Variants in VAMP4 observed in about 807,000 individuals in gnomAD.
The protein encoded by VAMP4 is vesicle-associated membrane protein 4.
VAMP4 carries 19 observed loss-of-function variants against 23.5 expected under a neutral mutation model. That is an observed-to-expected ratio of 0.81 (90% CI 0.56 to 1.19). The LOEUF is 1.19. VAMP4 is among the 50% of genes most tolerant of loss of function. The pLI is 0.00. For synonymous variants in VAMP4, 31 were observed against 51.0 expected (o/e 0.61, Z 1.67); for missense variants, 145 against 168.6 (o/e 0.86, Z 0.78).
intron 1 of VAMP4, among the ~76,000 whole-genome samples, chr1:171,739,011 G>A (rs992108079): frequency 2.0e-5 from 3 of 152,170 alleles, no homozygotes; most frequent in South Asian, 2.1e-4. Context: ...GTGTGATATC[G>A]TGATTTACAA....
chr1:171,721,240 T>A (rs1295704444), intron 3 of VAMP4, among the ~76,000 whole-genome samples: 1 of 151,982 alleles, frequency 6.6e-6, no homozygotes, highest in Admixed American at 6.6e-5. Context: ...CTAAAGGAGA[T>A]CAGGAACAAA....
intron 4 of VAMP4, among the ~76,000 whole-genome samples, chr1:171,716,757 C>T (rs74861475): frequency 5.9e-5 from 9 of 152,174 alleles, no homozygotes; most frequent in South Asian, 2.1e-4. Flanking sequence ...ACTAAAATAA[C>T]GCCAGGGATT....
rs372947937 is a variant in VAMP4 at position 171,738,843 on chromosome 1, T to C, written c.-49-380A>G. 3.9e-5 allele frequency among the ~76,000 whole-genome samples: 6 copies of C among 152,332 alleles called. No homozygotes were observed. In the South Asian group the frequency reaches 6.2e-4, roughly 16 times the overall value. ...CCTATTTCTCTCACTTTTAGTTGGT[T>C]GCTTAAGCAATGATTCAGTTTCCTC... On this transcript the variant is annotated intron_variant, in intron 1 of 7. Transcript: ENST00000236192.
chr1:171,722,457 A>G (rs1003173065), intron 3 of VAMP4, among the ~76,000 whole-genome samples: 2 of 152,220 alleles, frequency 1.3e-5, no homozygotes, highest in African/African-American at 4.8e-5. Flanking sequence ...CTACCATCAG[A>G]GTGAACAGGC....
rs1654565609 is a variant in VAMP4 at position 171,704,004 on chromosome 1, C to T, written c.*502G>A. 1 of 152,364 alleles carries T rather than the reference C, an allele frequency of 6.6e-6. No individual in the cohort carries two copies. Among genetic ancestry groups the T allele is most frequent in the Non-Finnish European group, 1.5e-5 (1 of 67,890 alleles). 9.4% of individuals were successfully genotyped at this position (152,364 alleles called of 1,614,324 possible). A position where few individuals can be genotyped will look rare whatever the true frequency, so the allele number is the denominator to read the frequency against. On this transcript the variant is annotated 3_prime_UTR_variant, in exon 8 of 8. Coordinates refer to ENST00000236192, the MANE Select transcript of VAMP4 (RefSeq NM_003762.5). ...TTACAACATTTAGCTTTTGTTACAC[C>T]TATAAATGTGGAAATTGCTTGCAAA...
Position 171,704,462 on chromosome 1 carries a change from A to G in VAMP4, c.*44T>C. ...CATTTAAATTATGCAGCAATCTTTT[A>G]TTACTGTCCCAGATCTTGTTTAATG... On this transcript the variant is annotated 3_prime_UTR_variant, in exon 8 of 8. Coordinates refer to ENST00000236192, the MANE Select transcript of VAMP4 (RefSeq NM_003762.5). 6.6e-7 allele frequency: 1 copy of G among 1,514,824 alleles called. No homozygotes were observed. Among genetic ancestry groups the G allele is most frequent in the Non-Finnish European group, 8.9e-7 (1 of 1,121,752 alleles). The allele number at this position is 1,514,824 out of a possible 1,614,324, so 93.8% of individuals were successfully genotyped here.
At chr1:171,725,062 C>T (rs1204427401) in intron 3 of VAMP4, among the ~76,000 whole-genome samples, 1 of 152,164 alleles carries the variant, frequency 6.6e-6, no homozygotes, top group African/African-American at 2.4e-5. Flanking sequence ...AAAACTGAAA[C>T]TCTGTCCCCT....
intron 4 of VAMP4, 151 bp downstream of exon 4, chr1:171,719,019 AT>A: frequency 1.7e-6 from 1 of 590,158 alleles, no homozygotes. Flanking sequence ...GTACCTATCG[AT>A]AATATGAAAA....
chr1:171,707,737 A>T (rs558974573), intron 6 of VAMP4, among the ~76,000 whole-genome samples: 1 of 152,284 alleles, frequency 6.6e-6, no homozygotes, highest in South Asian at 2.1e-4. Context: ...CATGGTCCCC[A>T]GAGGTTCTCA....
Position 171,738,338 on chromosome 1 carries a change from T to G in VAMP4, c.66+11A>C, listed in dbSNP as rs1357869190. On this transcript the variant is annotated intron_variant, in intron 2 of 7. Transcript: ENST00000236192. ...ATCTTTTGTTTTTAAAGCTTAAGAT[T>G]CCGAACTTACCCTTTCACTTTTCAC... The G allele has an allele frequency of 6.2e-7, 1 of 1,613,132 alleles. No homozygotes were observed. The highest frequency in any genetic ancestry group is 1.7e-5 in the Admixed American group (1 of 59,810).
chr1:171,718,127 T>C (rs1399629954), intron 4 of VAMP4, among the ~76,000 whole-genome samples: 4 of 152,170 alleles, frequency 2.6e-5, no homozygotes. Context: ...TACATGGCAA[T>C]AGAAAACTAA....
rs1412259261 is a variant in VAMP4, at chr1:171,703,198, A to C, written c.*1308T>G. 2 of 151,512 alleles carry C rather than the reference A, an allele frequency of 1.3e-5. No individual in the cohort carries two copies. The highest frequency in any genetic ancestry group is 4.8e-5 in the African/African-American group (2 of 41,310). 9.4% of individuals were successfully genotyped at this position (151,512 alleles called of 1,614,324 possible). Reference sequence around the variant, plus strand: ...ATATCCAGTGCACAAGTTTCTGCAGAATCACTAATTTTATTATAAAGCTTC... The same window carrying C: ...ATATCCAGTGCACAAGTTTCTGCAGCATCACTAATTTTATTATAAAGCTTC... On this transcript the variant is annotated 3_prime_UTR_variant, in exon 8 of 8. Coordinates refer to ENST00000236192, the MANE Select transcript of VAMP4 (RefSeq NM_003762.5).
Position 171,700,692 on chromosome 1 carries a change from TC to T in VAMP4, c.*3813del, listed in dbSNP as rs1399892461. ...CTCCAGAGAGCACTGTGGAGTCACC[TC>T]TCACTGATATACTAACATGTGGCAT... On this transcript the variant is annotated 3_prime_UTR_variant, in exon 8 of 8. Transcript: ENST00000236192. 1 of 152,206 alleles carries T rather than the reference TC, an allele frequency of 6.6e-6. No individual in the cohort carries two copies. The highest frequency in any genetic ancestry group is 1.5e-5 in the Non-Finnish European group (1 of 68,064). 9.4% of individuals were successfully genotyped at this position (152,206 alleles called of 1,614,324 possible). A position where few individuals can be genotyped will look rare whatever the true frequency, so the allele number is the denominator to read the frequency against.
chr1:171,741,262 G>T (rs1212927354), intron 1 of VAMP4, among the ~76,000 whole-genome samples: 3 of 152,080 alleles, frequency 2.0e-5, no homozygotes, highest in African/African-American at 7.2e-5. Context: ...CTGGGCAAAG[G>T]CTCTCCTTTT....
At chr1:171,724,487 G>T (rs1360356492) in intron 3 of VAMP4, among the ~76,000 whole-genome samples, 2 of 151,876 alleles carry the variant, frequency 1.3e-5, no homozygotes, top group South Asian at 4.1e-4. Flanking sequence ...AAAAATAAAA[G>T]AAAATACTTA....
In VAMP4 at chr1:171,703,390, T is replaced by TGC. The variant is rs1558103476; in HGVS notation, c.*1114_*1115dup. ...ACCGACTGACTGATTATCATATGTGTGCGTGTGTGTGTGTGTGTGTGTGTG... is the reference window on the plus strand; with the variant it reads ...ACCGACTGACTGATTATCATATGTGTGCGCGTGTGTGTGTGTGTGTGTGTGTG... On this transcript the variant is annotated 3_prime_UTR_variant, in exon 8 of 8. Transcript: ENST00000236192. The TGC allele has an allele frequency of 6.6e-5, 8 of 120,432 alleles. No individual in the cohort carries two copies. The highest frequency in any genetic ancestry group is 5.5e-4 in the East Asian group (2 of 3,618). 7.5% of individuals were successfully genotyped at this position (120,432 alleles called of 1,614,324 possible).
intron 1 of VAMP4, among the ~76,000 whole-genome samples, 180 bp downstream of exon 1, chr1:171,741,729 CT>C (rs1239173794): frequency 6.6e-6 from 1 of 152,182 alleles, no homozygotes; most frequent in African/African-American, 2.4e-5. Flanking sequence ...CTGTCCTCGT[CT>C]TCCTTCCTCA....
At chr1:171,704,681 A>C (rs1654591508) in intron 7 of VAMP4, 147 bp from the exon 8 acceptor site, 3 of 521,042 alleles carry the variant, frequency 5.8e-6, no homozygotes, top group Non-Finnish European at 9.2e-6. Context: ...ATAAATAATC[A>C]ATGGGAAAGG....
At chr1:171,729,909 A>T (rs966786566) in intron 2 of VAMP4, among the ~76,000 whole-genome samples, 1 of 152,200 alleles carries the variant, frequency 6.6e-6, no homozygotes, top group Non-Finnish European at 1.5e-5. Context: ...TGAGAAGAAA[A>T]GATCATTATG....
Sources: allele counts gnomAD v4.1 joint callset (sites outside exome capture counted in the v4.1 genomes callset), GRCh38; gene constraint gnomAD v4.1.1; transcripts MANE v1.5; gene names NCBI Gene and HGNC (gene_info 2026-07-23, HGNC 2026-07-21).